Variants in RANBP9 observed in about 807,000 individuals in gnomAD.
RANBP9 encodes the protein RAN binding protein 9.
A neutral mutation model predicts 84.3 loss-of-function variants in RANBP9; 15 were observed. The ratio of observed to expected loss-of-function variants is 0.18; its 90% CI spans 0.12 to 0.27. The LOEUF (loss-of-function observed/expected upper bound fraction) is 0.27, where lower values mean the gene tolerates loss of function less well. Among genes scored for constraint, RANBP9 ranks in the 10% least tolerant of loss-of-function variants. The pLI is 1.00. For missense variants in RANBP9, 809 were observed against 912.8 expected, an observed-to-expected ratio of 0.89 and a Z score of 1.46; for synonymous variants, 392 against 349.6, an observed-to-expected ratio of 1.12 and a Z score of -1.35.
chr6:13,685,939 A>AC lies in RANBP9; in HGVS notation c.683+10845_683+10846insG, dbSNP rs1225521673. On this transcript the variant is annotated intron_variant, in intron 2 of 13. Transcript: ENST00000011619. ...AGCGAGACTCTGTCTCAAAAAAAAA[A>AC]AAAAGAGTATAACTAAGCTTAAAAT... Among the ~76,000 whole-genome samples the AC allele has an allele frequency of 6.6e-5, 10 of 152,228 alleles. No homozygotes were observed. In the South Asian group the frequency reaches 2.1e-3, roughly 32 times the overall value.
intron 12 of RANBP9, among the ~76,000 whole-genome samples, 177 bp downstream of exon 12, chr6:13,632,193 A>G (rs1011157281): frequency 8.2e-6 from 1 of 121,790 alleles, no homozygotes; most frequent in African/African-American, 3.2e-5. Context: ...TCTTTCCAGT[A>G]GATCAGAACT....
At chr6:13,669,827 A>G (rs1765732878) in intron 2 of RANBP9, among the ~76,000 whole-genome samples, 1 of 152,246 alleles carries the variant, frequency 6.6e-6, no homozygotes, top group South Asian at 2.1e-4. Context: ...TCCTGGGCTC[A>G]AGCAATACTG....
At chr6:13,629,189 C>T (rs1469441590) in intron 12 of RANBP9, among the ~76,000 whole-genome samples, 1 of 152,208 alleles carries the variant, frequency 6.6e-6, no homozygotes, top group Non-Finnish European at 1.5e-5. Context: ...CAGCTCACTG[C>T]AGCCTCGAGC....
At chr6:13,628,400 G>T (rs1471811165) in intron 12 of RANBP9, among the ~76,000 whole-genome samples, 6 of 152,168 alleles carry the variant, frequency 3.9e-5, no homozygotes, top group Admixed American at 1.3e-4. Context: ...CAGGCTGAGA[G>T]AAAGGAGAAA....
intron 12 of RANBP9, among the ~76,000 whole-genome samples, chr6:13,628,149 G>A (rs536197667): frequency 6.6e-6 from 1 of 152,176 alleles, no homozygotes; most frequent in Non-Finnish European, 1.5e-5. Context: ...CTATCATCTA[G>A]AGAAGCAAAC....
chr6:13,638,648 T>C (rs373935895), intron 9 of RANBP9, among the ~76,000 whole-genome samples: 15 of 151,940 alleles, frequency 9.9e-5, no homozygotes, highest in Middle Eastern at 3.4e-3. Context: ...ATCAGAAACA[T>C]TGCGAGACTC....
At chr6:13,622,975 T>C (rs138890676) in intron 13 of RANBP9, among the ~76,000 whole-genome samples, 1 of 152,224 alleles carries the variant, frequency 6.6e-6, no homozygotes. Flanking sequence ...ATAGGTAATG[T>C]TATTTGGGCT....
chr6:13,694,316 T>C (rs1766390788), intron 2 of RANBP9, among the ~76,000 whole-genome samples: 2 of 152,306 alleles, frequency 1.3e-5, no homozygotes, highest in African/African-American at 2.4e-5. Context: ...TCTACAAAAT[T>C]AGATTTAAAA....
rs184693376 is a variant in RANBP9, at chr6:13,642,437, A to G, written c.1225+42T>C. Reference sequence around the variant, plus strand: ...TAAAAATTAAAGTAACCAAATCTATAATCTGAAAACAAATGTTAGCCATGC... The same window carrying G: ...TAAAAATTAAAGTAACCAAATCTATGATCTGAAAACAAATGTTAGCCATGC... On this transcript the variant is annotated intron_variant, in intron 7 of 13. Transcript: ENST00000011619. The G allele has an allele frequency of 4.7e-5, 56 of 1,194,616 alleles. No homozygotes were observed. The African/African-American group carries it at 8.1e-4, about 17-fold the overall frequency. The allele number at this position is 1,194,616 out of a possible 1,614,324, so 74.0% of individuals were successfully genotyped here.
chr6:13,633,318 G>A (rs777060637), intron 11 of RANBP9, among the ~76,000 whole-genome samples: 1 of 152,208 alleles, frequency 6.6e-6, no homozygotes, highest in Non-Finnish European at 1.5e-5. Flanking sequence ...ACAGGCGTGA[G>A]CCACCATGCC....
rs1266431211 is a variant in RANBP9, at chr6:13,622,321, CTA to C, written c.*39_*40del. 4 of 1,458,934 alleles carry C rather than the reference CTA, an allele frequency of 2.7e-6. No individual in the cohort carries two copies. The highest frequency in any genetic ancestry group is 4.9e-5 in the East Asian group (2 of 41,132). 90.4% of individuals were successfully genotyped at this position (1,458,934 alleles called of 1,614,324 possible). ...CAGAGCTGGTCTACTTCCATGTTGA[CTA>C]TATGCCACAATATAAGTGTGAGCTC... On this transcript the variant is annotated 3_prime_UTR_variant, in exon 14 of 14. Transcript: ENST00000011619.
At position 13,695,401 on chromosome 6, in the gene RANBP9, G is replaced by GTTTTT. The variant is rs773285024; in HGVS notation, c.683+1379_683+1383dup. Among the ~76,000 whole-genome samples the GTTTTT allele has an allele frequency of 2.6e-4, 22 of 84,808 alleles. 2 individuals are homozygous for GTTTTT. The highest frequency in any genetic ancestry group is 1.8e-3 in the East Asian group (4 of 2,218). 55.6% of individuals were successfully genotyped at this position (84,808 alleles called of 152,430 possible). Reference sequence around the variant, plus strand: ...GCAATAGTGAAACCACCAACCAAATGTTTTTTTTTTTTTTTTTTTTTTTTC... The same window carrying GTTTTT: ...GCAATAGTGAAACCACCAACCAAATGTTTTTTTTTTTTTTTTTTTTTTTTTTTTTC... On this transcript the variant is annotated intron_variant, in intron 2 of 13. Transcript: ENST00000011619.
intron 2 of RANBP9, among the ~76,000 whole-genome samples, chr6:13,666,307 A>G (rs1765643287): frequency 6.6e-6 from 1 of 152,292 alleles, no homozygotes; most frequent in African/African-American, 2.4e-5. Flanking sequence ...CAGGTCCGCT[A>G]TATCATGACA....
intron 12 of RANBP9, among the ~76,000 whole-genome samples, chr6:13,627,769 T>C (rs1431368450): frequency 6.6e-6 from 1 of 152,122 alleles, no homozygotes; most frequent in Non-Finnish European, 1.5e-5. Context: ...CTGAACAATT[T>C]TTCCAAGGAA....
At chr6:13,650,280 T>C (rs1182806389) in intron 5 of RANBP9, among the ~76,000 whole-genome samples, 1 of 152,054 alleles carries the variant, frequency 6.6e-6, no homozygotes, top group African/African-American at 2.4e-5. Context: ...TAATGCTTCT[T>C]GAAGAGTACT....
At chr6:13,691,823 G>A (rs913374808) in intron 2 of RANBP9, among the ~76,000 whole-genome samples, 1 of 152,000 alleles carries the variant, frequency 6.6e-6, no homozygotes, top group African/African-American at 2.4e-5. Flanking sequence ...CTGCCACCAC[G>A]CCTGGCTAAT....
chr6:13,648,184 C>T (rs1378319912), intron 5 of RANBP9, among the ~76,000 whole-genome samples: 3 of 116,302 alleles, frequency 2.6e-5, no homozygotes, highest in Non-Finnish European at 4.9e-5. Context: ...GAGTCTCACT[C>T]TGCCGCCCAG....
chr6:13,663,438 A>T (rs889774303), intron 2 of RANBP9, among the ~76,000 whole-genome samples: 3 of 152,312 alleles, frequency 2.0e-5, no homozygotes, highest in African/African-American at 7.2e-5. Flanking sequence ...TAATTTTCCT[A>T]AAACACGACT....
intron 2 of RANBP9, among the ~76,000 whole-genome samples, chr6:13,695,061 A>G (rs1766410072): frequency 6.6e-6 from 1 of 152,236 alleles, no homozygotes; most frequent in Non-Finnish European, 1.5e-5. Flanking sequence ...GAAAAAGGGT[A>G]AGGTATCCTG....
Sources: gnomAD v4.1 joint callset for allele counts (sites outside exome capture counted in the v4.1 genomes callset) on GRCh38, gnomAD v4.1.1 for gene constraint, MANE v1.5 for transcripts, NCBI Gene and HGNC (gene_info 2026-07-23, HGNC 2026-07-21) for gene names.